Variants in RAP1A observed in about 807,000 individuals in gnomAD.
RAP1A encodes the protein ras-related protein Rap-1A.
In RAP1A, 6 loss-of-function variants were observed where a neutral mutation model predicts 26.4. The ratio of observed to expected loss-of-function variants is 0.23; its 90% confidence interval spans 0.12 to 0.45. The LOEUF (loss-of-function observed/expected upper bound fraction) is 0.45, where lower values mean the gene tolerates loss of function less well. Among genes scored for constraint, RAP1A ranks in the 20% least tolerant of loss-of-function variants. The probability of loss-of-function intolerance (pLI) is 0.99; values close to 1 mark genes in which losing one functional copy is unlikely to be tolerated. For missense variants in RAP1A, 121 were observed against 217.2 expected (o/e 0.56, Z 2.78); for synonymous variants, 73 against 79.4 (o/e 0.92, Z 0.43).
Position 111,697,472 on chromosome 1 carries a change from T to C in RAP1A, c.158T>C (p.Leu53Pro). ...QVEVDCQQCMLEILDTAGTEQ... is the reference protein window; with the variant it reads ...QVEVDCQQCMPEILDTAGTEQ... ...GAAGTCGATTGCCAACAGTGTATGC[T>C]CGAAATCCTGGATACTGCAGGGACA... The change falls in exon 4 of 8, where the codon CTC (leucine) becomes CCC (proline). Residue 53 changes from leucine to proline, a missense_variant. Physicochemically the swap from Leu to Pro is moderately conservative, Grantham distance 98. Coordinates refer to ENST00000369709, the MANE Select transcript of RAP1A (RefSeq NM_002884.4). 6.2e-7 allele frequency: 1 copy of C among 1,613,364 alleles called. No individual in the cohort carries two copies. Among genetic ancestry groups the C allele is most frequent in the Non-Finnish European group, 8.5e-7 (1 of 1,179,652 alleles).
At chr1:111,562,154 G>A (rs762519789) in intron 1 of RAP1A, among the ~76,000 whole-genome samples, 4 of 152,072 alleles carry the variant, frequency 2.6e-5, no homozygotes, top group Non-Finnish European at 4.4e-5. Flanking sequence ...TGTGGGCAAC[G>A]TGGACAAATC....
intron 1 of RAP1A, among the ~76,000 whole-genome samples, chr1:111,654,942 G>C (rs1660402373): frequency 6.6e-6 from 1 of 151,830 alleles, no homozygotes; most frequent in Non-Finnish European, 1.5e-5. Context: ...GTTGAGGTGG[G>C]AGGGAATTGC....
At chr1:111,679,593 C>T (rs1661233025) in intron 1 of RAP1A, among the ~76,000 whole-genome samples, 1 of 152,052 alleles carries the variant, frequency 6.6e-6, no homozygotes, top group Admixed American at 6.6e-5. Flanking sequence ...GGGGCTGAAG[C>T]CAGGGAGCCA....
chr1:111,695,214 C>T lies in RAP1A; in HGVS notation c.58-127C>T, dbSNP rs1571568175. 12 of 498,178 alleles carry T rather than the reference C, an allele frequency of 2.4e-5. No individual in the cohort carries two copies. In the East Asian group the frequency reaches 3.2e-4, roughly 13 times the overall value. The allele number at this position is 498,178 out of a possible 1,614,324, so 30.9% of individuals were successfully genotyped here. A position where few individuals can be genotyped will look rare whatever the true frequency, so the allele number is the denominator to read the frequency against. ...TTATATTGAAAGAATTAATAATATA[C>T]TTTACATTTACGTGTTTACCCAGAA... is the stretch of plus-strand genomic sequence containing the variant. On this transcript the variant is annotated intron_variant, in intron 2 of 7. Coordinates refer to ENST00000369709, the MANE Select transcript of RAP1A (RefSeq NM_002884.4).
At chr1:111,665,867 C>CT (rs1244066121) in intron 1 of RAP1A, among the ~76,000 whole-genome samples, 2 of 152,154 alleles carry the variant, frequency 1.3e-5, no homozygotes, top group Non-Finnish European at 2.9e-5. Context: ...AAGACCATCT[C>CT]TTTCTTTTAA....
chr1:111,590,005 A>G (rs1036143778), intron 1 of RAP1A, among the ~76,000 whole-genome samples: 3 of 152,186 alleles, frequency 2.0e-5, no homozygotes, highest in East Asian at 1.9e-4. Context: ...CCTGGGCTCA[A>G]GGGATCCTTC....
chr1:111,587,682 T>C (rs2101064507), intron 1 of RAP1A, among the ~76,000 whole-genome samples: 1 of 152,322 alleles, frequency 6.6e-6, no homozygotes, highest in South Asian at 2.1e-4. Context: ...GTCTACCTAT[T>C]ATTGTTGCCT....
rs34266778 is a variant in RAP1A at position 111,655,658 on chromosome 1, CTTTTTTTTTTT to C, written c.-27-35659_-27-35649del. 2.5e-4 allele frequency among the ~76,000 whole-genome samples: 21 copies of C among 85,158 alleles called. No homozygotes were observed. The East Asian group carries it at 2.6e-3, about 11-fold the overall frequency. 55.9% of individuals were successfully genotyped at this position (85,158 alleles called of 152,430 possible). A position where few individuals can be genotyped will look rare whatever the true frequency, so the allele number is the denominator to read the frequency against. On this transcript the variant is annotated intron_variant, in intron 1 of 7. Transcript: ENST00000369709. ...GAAGAACCTTAAAAATGTTCATAGT[CTTTTTTTTTTT>C]TTTTTTTTTTTTTTTTAAGACGGAA... is the stretch of plus-strand genomic sequence containing the variant.
intron 1 of RAP1A, chr1:111,648,224 C>T (rs1660140784): frequency 1.2e-5 from 5 of 427,294 alleles, no homozygotes; most frequent in Admixed American, 6.6e-5. Flanking sequence ...TTTTTGACTT[C>T]CAGTGACCTT....
chr1:111,593,988 A>G (rs1402336684), intron 1 of RAP1A, among the ~76,000 whole-genome samples: 3 of 152,220 alleles, frequency 2.0e-5, no homozygotes, highest in Non-Finnish European at 4.4e-5. Context: ...GGTCAAAACC[A>G]GGAAGTTCAG....
chr1:111,623,406 G>A (rs968590336), intron 1 of RAP1A, among the ~76,000 whole-genome samples: 4 of 150,738 alleles, frequency 2.7e-5, no homozygotes, highest in Admixed American at 6.6e-5. Context: ...AGCTGTGACC[G>A]CCCCATGTTT....
chr1:111,584,867 G>A (rs1168315747), intron 1 of RAP1A, among the ~76,000 whole-genome samples: 1 of 152,146 alleles, frequency 6.6e-6, no homozygotes, highest in Non-Finnish European at 1.5e-5. Context: ...CCAAACCTAG[G>A]AGGATGAGCT....
chr1:111,683,485 A>C (rs1661370121), intron 1 of RAP1A, among the ~76,000 whole-genome samples: 1 of 152,236 alleles, frequency 6.6e-6, no homozygotes, highest in Non-Finnish European at 1.5e-5. Context: ...AGGGGATATC[A>C]CCACTGATCC....
intron 1 of RAP1A, among the ~76,000 whole-genome samples, chr1:111,676,966 G>A (rs1430905700): frequency 6.6e-6 from 1 of 151,964 alleles, no homozygotes; most frequent in Non-Finnish European, 1.5e-5. Context: ...GCTAATTTTT[G>A]TATTTTTAGT....
At chr1:111,704,103 T>C (rs1662108200) in intron 5 of RAP1A, among the ~76,000 whole-genome samples, 2 of 152,162 alleles carry the variant, frequency 1.3e-5, no homozygotes, top group Admixed American at 1.3e-4. Flanking sequence ...GCCAGGATTA[T>C]ATTCTTAAAA....
At chr1:111,648,391 C>G (rs181709778) in intron 1 of RAP1A, 9 of 623,416 alleles carry the variant, frequency 1.4e-5, no homozygotes, top group Non-Finnish European at 2.7e-5. Context: ...TGCTGCTGTC[C>G]AGGGCATCAC....
At chr1:111,569,973 A>G (rs2101054696) in intron 1 of RAP1A, among the ~76,000 whole-genome samples, 1 of 152,326 alleles carries the variant, frequency 6.6e-6, no homozygotes, top group Admixed American at 6.5e-5. Flanking sequence ...GGGAAAATAT[A>G]AAAGCAAAGT....
chr1:111,655,526 G>A (rs952240533), intron 1 of RAP1A, among the ~76,000 whole-genome samples: 4 of 151,948 alleles, frequency 2.6e-5, no homozygotes, highest in Admixed American at 2.0e-4. Context: ...TGATAATACA[G>A]TTAACTAAAT....
At chr1:111,590,776 A>G (rs1009271167) in intron 1 of RAP1A, among the ~76,000 whole-genome samples, 4 of 152,154 alleles carry the variant, frequency 2.6e-5, no homozygotes, top group African/African-American at 7.2e-5. Flanking sequence ...CACAAATATT[A>G]GCTTTAATGC....
Sources: gnomAD v4.1 joint callset for allele counts (sites outside exome capture counted in the v4.1 genomes callset) on GRCh38, gnomAD v4.1.1 for gene constraint, MANE v1.5 for transcripts, NCBI Gene and HGNC (gene_info 2026-07-23, HGNC 2026-07-21) for gene names.